The following XXYLT1 variants were observed in gnomAD, a reference collection of about 807,000 sequenced individuals.
The protein encoded by XXYLT1 is xyloside xylosyltransferase 1.
In XXYLT1, 20 loss-of-function variants were observed where a neutral mutation model predicts 28.9. That is an observed-to-expected ratio of 0.69 (90% confidence interval 0.49 to 1.00). XXYLT1 has a LOEUF of 1.00. Among genes scored for constraint, XXYLT1 ranks in the 50% least tolerant of loss-of-function variants. The pLI, the probability that XXYLT1 is intolerant of heterozygous loss-of-function variation, is 0.00. For missense variants in XXYLT1, 542 were observed against 560.1 expected, an observed-to-expected ratio of 0.97 and a Z score of 0.33; for synonymous variants, 257 against 253.8, an observed-to-expected ratio of 1.01 and a Z score of -0.12.
intron 3 of XXYLT1, among the ~76,000 whole-genome samples, chr3:195,109,626 G>T (rs1172306915): frequency 1.3e-4 from 16 of 122,318 alleles, no homozygotes; most frequent in Non-Finnish European, 2.7e-4. Flanking sequence ...GAGTGTGTGT[G>T]GTGTCTGTGT....
At chr3:195,081,175 A>G (rs889735054) in intron 3 of XXYLT1, among the ~76,000 whole-genome samples, 1 of 152,164 alleles carries the variant, frequency 6.6e-6, no homozygotes, top group African/African-American at 2.4e-5. Flanking sequence ...CATTTCTGAC[A>G]AGCCCCCAGG....
intron 1 of XXYLT1, among the ~76,000 whole-genome samples, chr3:195,231,992 C>T (rs1239165974): frequency 6.6e-6 from 1 of 152,028 alleles, no homozygotes; most frequent in East Asian, 1.9e-4. Flanking sequence ...AATGGTAGAA[C>T]TTAGCAGAGA....
chr3:195,218,065 C>T (rs371291787), intron 2 of XXYLT1, among the ~76,000 whole-genome samples: 34 of 146,414 alleles, frequency 2.3e-4, no homozygotes, highest in South Asian at 6.5e-4. Flanking sequence ...TAATGAGGAA[C>T]GGATTCCCTA....
chr3:195,074,135 A>C (rs1392138690), intron 3 of XXYLT1, among the ~76,000 whole-genome samples: 1 of 151,962 alleles, frequency 6.6e-6, no homozygotes, highest in African/African-American at 2.4e-5. Flanking sequence ...GTTCACCACC[A>C]CCACCTCCAA....
chr3:195,156,527 C>T lies in XXYLT1; in HGVS notation c.707G>A (p.Arg236Gln), dbSNP rs372269605. The T allele has an allele frequency of 2.5e-5, 40 of 1,614,086 alleles. No individual in the cohort carries two copies. The highest frequency in any genetic ancestry group is 8.9e-5 in the East Asian group (4 of 44,896). The change falls in exon 3 of 4, where the codon CGG becomes CAG. Residue 236 changes from arginine to glutamine, a missense_variant. Coordinates refer to ENST00000310380, the MANE Select transcript of XXYLT1 (RefSeq NM_152531.5). ...ACTGTCAAATTCCTCAAACAACTCC[C>T]GGATGTTGGTCTTAAACTTCAGGTC... ...DLDLKFKTNI[R>Q]ELFEEFDSFL...
chr3:195,181,968 C>T (rs1049030024), intron 2 of XXYLT1, among the ~76,000 whole-genome samples: 2 of 152,242 alleles, frequency 1.3e-5, no homozygotes, highest in Non-Finnish European at 2.9e-5. Flanking sequence ...TCAACAAACA[C>T]TCCAGTTCTC....
chr3:195,147,683 G>T (rs1372586790), intron 3 of XXYLT1, among the ~76,000 whole-genome samples: 1 of 152,188 alleles, frequency 6.6e-6, no homozygotes, highest in East Asian at 1.9e-4. Flanking sequence ...GCCTGACTTA[G>T]CAGCTGGCCA....
At chr3:195,202,456 C>A (rs2108766846) in intron 2 of XXYLT1, among the ~76,000 whole-genome samples, 1 of 146,668 alleles carries the variant, frequency 6.8e-6, no homozygotes, top group East Asian at 2.0e-4. Flanking sequence ...ATTAACAAAT[C>A]TAAAAACGTG....
At chr3:195,174,354 T>C (rs1213928115) in intron 2 of XXYLT1, among the ~76,000 whole-genome samples, 2 of 152,200 alleles carry the variant, frequency 1.3e-5, no homozygotes, top group South Asian at 2.1e-4. Context: ...CCTTTTTTTT[T>C]CTGAGATAGG....
At chr3:195,130,298 A>G (rs965328886) in intron 3 of XXYLT1, among the ~76,000 whole-genome samples, 2 of 152,166 alleles carry the variant, frequency 1.3e-5, no homozygotes, top group Admixed American at 1.3e-4. Context: ...TGAAGTGACA[A>G]TGATCACACT....
At chr3:195,206,184 G>A (rs1723064543) in intron 2 of XXYLT1, among the ~76,000 whole-genome samples, 1 of 151,498 alleles carries the variant, frequency 6.6e-6, no homozygotes, top group Non-Finnish European at 1.5e-5. Context: ...CTAATTTTTT[G>A]TATTTTTAGT....
At chr3:195,207,317 C>T (rs1042319820) in intron 2 of XXYLT1, 2 of 365,898 alleles carry the variant, frequency 5.5e-6, no homozygotes, top group South Asian at 2.0e-5. Context: ...AGATGCCACA[C>T]GTCTGGCTGG....
chr3:195,186,603 C>G (rs1189305294), intron 2 of XXYLT1, among the ~76,000 whole-genome samples: 1 of 152,070 alleles, frequency 6.6e-6, no homozygotes, highest in African/African-American at 2.4e-5. Context: ...TGGAGGAAGT[C>G]TTTAGTAACA....
At chr3:195,227,855 C>G (rs115894848) in intron 1 of XXYLT1, among the ~76,000 whole-genome samples, 9,428 of 152,240 alleles carry the variant, frequency 0.062, 1,006 homozygotes, top group African/African-American at 0.21. Flanking sequence ...AGTACTAACG[C>G]GATCCTGAGT....
intron 2 of XXYLT1, among the ~76,000 whole-genome samples, chr3:195,225,833 CT>C (rs1464098666): frequency 6.6e-6 from 1 of 152,132 alleles, no homozygotes; most frequent in Non-Finnish European, 1.5e-5. Flanking sequence ...TTATAAGGGG[CT>C]TTTCCCCCTT....
chr3:195,099,479 C>A (rs1170037404), intron 3 of XXYLT1, among the ~76,000 whole-genome samples: 1 of 152,206 alleles, frequency 6.6e-6, no homozygotes, highest in South Asian at 2.1e-4. Flanking sequence ...TAAAGGTGTT[C>A]ACAAGCCCCT....
intron 2 of XXYLT1, among the ~76,000 whole-genome samples, chr3:195,161,587 G>C (rs564033996): frequency 1.3e-5 from 2 of 151,286 alleles, no homozygotes; most frequent in East Asian, 3.9e-4. Context: ...TTATGCCCTT[G>C]TATCACCGAA....
At chr3:195,158,087 C>T (rs1720695296) in intron 2 of XXYLT1, among the ~76,000 whole-genome samples, 1 of 152,208 alleles carries the variant, frequency 6.6e-6, no homozygotes. Context: ...ACTAAAGAAA[C>T]TCCTGATGGG....
rs1414975861 is a variant in XXYLT1 at position 195,069,602 on chromosome 3, G to A, written c.*113C>T. Reference sequence around the variant, plus strand: ...AGGAGGTCTCAGCACCTTAATCACAGGACTTCCCTGCGGTGTCTCTCTAGC... The same window carrying A: ...AGGAGGTCTCAGCACCTTAATCACAAGACTTCCCTGCGGTGTCTCTCTAGC... On this transcript the variant is annotated 3_prime_UTR_variant, in exon 4 of 4. Transcript: ENST00000310380. The A allele has an allele frequency of 7.6e-6, 11 of 1,441,830 alleles. No homozygotes were observed. Among genetic ancestry groups the A allele is most frequent in the Non-Finnish European group, 1.9e-6 (2 of 1,079,908 alleles). The allele number at this position is 1,441,830 out of a possible 1,614,324, so 89.3% of individuals were successfully genotyped here.
Sources: gnomAD v4.1 joint callset for allele counts (sites outside exome capture counted in the v4.1 genomes callset) on GRCh38, gnomAD v4.1.1 for gene constraint, MANE v1.5 for transcripts, NCBI Gene and HGNC (gene_info 2026-07-23, HGNC 2026-07-21) for gene names.